SPECC1: variants seen among roughly 807,000 people sequenced by gnomAD.
The protein encoded by SPECC1 is cytospin-B.
A neutral mutation model predicts 104.1 loss-of-function variants in SPECC1; 62 were observed. The observed-to-expected ratio is 0.60, with a 90% confidence interval of 0.49 to 0.74. The LOEUF (loss-of-function observed/expected upper bound fraction) is 0.74. Ranked by LOEUF, SPECC1 falls within the 30% of genes least tolerant of loss-of-function variation. SPECC1 has a pLI of 0.00. For missense variants in SPECC1, 1,306 were observed against 1,310.5 expected, an observed-to-expected ratio of 1.00 and a Z score of 0.05; for synonymous variants, 513 against 501.6, an observed-to-expected ratio of 1.02 and a Z score of -0.30.
At chr17:20,130,789 T>C (rs1380532723) in intron 3 of SPECC1, among the ~76,000 whole-genome samples, 1 of 152,232 alleles carries the variant, frequency 6.6e-6, no homozygotes, top group Non-Finnish European at 1.5e-5. Context: ...GTAATTGTGT[T>C]GAACCTGTAA....
intron 3 of SPECC1, 116 bp from the exon 4 acceptor site, chr17:20,204,217 A>C: frequency 1.6e-6 from 2 of 1,267,144 alleles, no homozygotes; most frequent in South Asian, 2.9e-5. Flanking sequence ...AGGAGGAGGA[A>C]ATGGATGAAG....
At chr17:20,156,090 G>A in intron 3 of SPECC1, 1 of 1,342,760 alleles carries the variant, frequency 7.4e-7, no homozygotes, top group Non-Finnish European at 9.6e-7. Context: ...TGACTGGAGC[G>A]GACCCGCCGG....
intron 3 of SPECC1, among the ~76,000 whole-genome samples, chr17:20,172,175 C>T (rs1410140692): frequency 6.6e-6 from 1 of 152,172 alleles, no homozygotes; most frequent in Non-Finnish European, 1.5e-5. Flanking sequence ...TGTGGGCCTC[C>T]TTTCTGTTGC....
At chr17:20,171,493 G>T (rs1221199669) in intron 3 of SPECC1, among the ~76,000 whole-genome samples, 1 of 152,110 alleles carries the variant, frequency 6.6e-6, no homozygotes, top group African/African-American at 2.4e-5. Context: ...AGAAAACAGG[G>T]CTTGAAGTAT....
intron 1 of SPECC1, among the ~76,000 whole-genome samples, chr17:20,043,793 T>G (rs2045427495): frequency 1.3e-5 from 2 of 152,176 alleles, no homozygotes. Flanking sequence ...GGAGAAGAGT[T>G]TTCTAAGGGA....
At chr17:20,255,403 A>C (rs183499240) in intron 10 of SPECC1, among the ~76,000 whole-genome samples, 1 of 152,236 alleles carries the variant, frequency 6.6e-6, no homozygotes, top group African/African-American at 2.4e-5. Flanking sequence ...GATGACACGC[A>C]TAGTGCTAGG....
intron 3 of SPECC1, among the ~76,000 whole-genome samples, chr17:20,165,586 C>G (rs550632839): frequency 1.1e-4 from 16 of 152,298 alleles, no homozygotes; most frequent in African/African-American, 3.4e-4. Context: ...AATGGAATTG[C>G]TGAGTCAAAT....
intron 4 of SPECC1, 111 bp from the exon 5 acceptor site, chr17:20,227,302 G>A (rs2038277988): frequency 1.2e-6 from 1 of 860,420 alleles, no homozygotes. Flanking sequence ...TCATGTTCAG[G>A]TTTGTTACAT....
At chr17:20,291,570 G>A (rs568215457) in intron 12 of SPECC1, among the ~76,000 whole-genome samples, 1 of 151,884 alleles carries the variant, frequency 6.6e-6, no homozygotes, top group African/African-American at 2.4e-5. Context: ...TTTAAAAGAC[G>A]GTTTTGCTCT....
At chr17:20,282,454 A>G (rs910141780) in intron 12 of SPECC1, among the ~76,000 whole-genome samples, 4 of 152,220 alleles carry the variant, frequency 2.6e-5, no homozygotes, top group Non-Finnish European at 5.9e-5. Flanking sequence ...TTAAAAAGTG[A>G]ATTATTCCAA....
At chr17:20,070,180 C>T (rs1294753297) in intron 1 of SPECC1, among the ~76,000 whole-genome samples, 1 of 152,144 alleles carries the variant, frequency 6.6e-6, no homozygotes, top group Non-Finnish European at 1.5e-5. Context: ...GAGAGACACC[C>T]TTGTCTAGTT....
At chr17:20,156,155 G>C (rs1478432898) in intron 3 of SPECC1, 11 of 1,434,726 alleles carry the variant, frequency 7.7e-6, no homozygotes, top group African/African-American at 1.5e-5. Flanking sequence ...TGGACACCCG[G>C]TCCGAGGCCG....
intron 4 of SPECC1, among the ~76,000 whole-genome samples, chr17:20,207,050 G>T (rs2036834825): frequency 1.3e-5 from 2 of 152,196 alleles, no homozygotes; most frequent in Non-Finnish European, 2.9e-5. Flanking sequence ...AGCAGTGCTG[G>T]AGAGGTGCAG....
chr17:20,173,277 T>G (rs537941484), intron 3 of SPECC1, among the ~76,000 whole-genome samples: 2 of 152,354 alleles, frequency 1.3e-5, no homozygotes, highest in South Asian at 2.1e-4. Context: ...ATTTCACGTT[T>G]AGGTGAAATG....
chr17:20,057,591 A>G (rs1237424636), intron 1 of SPECC1: 1 of 152,200 alleles, frequency 6.6e-6, no homozygotes, highest in African/African-American at 2.4e-5. Flanking sequence ...CCTGGGCTCA[A>G]GCAGTCCTCC....
chr17:20,274,628 G>A (rs976039410), intron 12 of SPECC1, among the ~76,000 whole-genome samples: 3 of 149,208 alleles, frequency 2.0e-5, no homozygotes, highest in Non-Finnish European at 3.0e-5. Context: ...TTACAAGCAC[G>A]TGCCACCACA....
intron 3 of SPECC1, among the ~76,000 whole-genome samples, chr17:20,120,978 C>T (rs1412725684): frequency 6.6e-6 from 1 of 152,190 alleles, no homozygotes; most frequent in African/African-American, 2.4e-5. Context: ...GAGGCATGAG[C>T]TTCCTCATTC....
intron 1 of SPECC1, among the ~76,000 whole-genome samples, chr17:20,085,842 A>C (rs1334322043): frequency 3.3e-5 from 5 of 152,158 alleles, no homozygotes; most frequent in African/African-American, 1.2e-4. Flanking sequence ...TGTTCAGTGG[A>C]GGGGATATCC....
chr17:20,210,489 G>A (rs1797708547), intron 4 of SPECC1, among the ~76,000 whole-genome samples: 1 of 152,200 alleles, frequency 6.6e-6, no homozygotes, highest in African/African-American at 2.4e-5. Context: ...CTGGACATCT[G>A]GGTCCTATGG....
Sources: gnomAD v4.1 joint callset for allele counts (sites outside exome capture counted in the v4.1 genomes callset) on GRCh38, gnomAD v4.1.1 for gene constraint, MANE v1.5 for transcripts, NCBI Gene and HGNC (gene_info 2026-07-23, HGNC 2026-07-21) for gene names.